The following PDGFD variants were observed in gnomAD, a reference collection of about 807,000 sequenced individuals.
PDGFD encodes the protein platelet-derived growth factor D.
A neutral mutation model predicts 44.7 loss-of-function variants in PDGFD; 30 were observed. That is an observed-to-expected ratio of 0.67 (90% CI 0.50 to 0.91). PDGFD has a LOEUF of 0.91. PDGFD is among the 40% of genes least tolerant of loss of function. The probability of loss-of-function intolerance (pLI) is 0.00; values close to 1 mark genes in which losing one functional copy is unlikely to be tolerated. For missense variants in PDGFD, 445 were observed against 457.8 expected (o/e 0.97, Z 0.25); for synonymous variants, 173 against 168.4 (o/e 1.03, Z -0.21).
At chr11:104,060,073 A>C (rs183615695) in intron 1 of PDGFD, among the ~76,000 whole-genome samples, 1 of 152,318 alleles carries the variant, frequency 6.6e-6, no homozygotes, top group African/African-American at 2.4e-5. Context: ...CTTGTTTGCC[A>C]TTTGTTTCTG....
intron 1 of PDGFD, among the ~76,000 whole-genome samples, chr11:104,088,876 C>T (rs1025597217): frequency 5.0e-4 from 76 of 151,946 alleles, no homozygotes; most frequent in African/African-American, 1.8e-3. Flanking sequence ...TAATGGTGCA[C>T]CTGTCCATTA....
chr11:104,152,537 CT>C (rs1166983205), intron 1 of PDGFD, among the ~76,000 whole-genome samples: 2 of 151,930 alleles, frequency 1.3e-5, no homozygotes, highest in Non-Finnish European at 2.9e-5. Context: ...TTATTTTTAC[CT>C]CTTTTTTGAA....
intron 3 of PDGFD, among the ~76,000 whole-genome samples, chr11:103,966,416 T>C (rs1859020910): frequency 6.6e-6 from 1 of 152,158 alleles, no homozygotes; most frequent in African/African-American, 2.4e-5. Flanking sequence ...AAGAAAAACA[T>C]CCCCAATAGT....
chr11:104,054,989 T>C (rs186406001), intron 1 of PDGFD, among the ~76,000 whole-genome samples: 480 of 152,368 alleles, frequency 3.2e-3, no homozygotes, highest in Non-Finnish European at 5.7e-3. Context: ...GAACACATTA[T>C]GCAAGTAGCA....
intron 3 of PDGFD, among the ~76,000 whole-genome samples, chr11:103,956,049 A>T (rs1208543293): frequency 1.3e-5 from 2 of 149,108 alleles, no homozygotes; most frequent in Non-Finnish European, 3.0e-5. Flanking sequence ...ATTTCTTCAG[A>T]CTGAACTTAG....
At chr11:103,934,243 T>C (rs1858452791) in intron 5 of PDGFD, among the ~76,000 whole-genome samples, 1 of 152,208 alleles carries the variant, frequency 6.6e-6, no homozygotes, top group Non-Finnish European at 1.5e-5. Flanking sequence ...TTTGAGTGTT[T>C]GAAGCACAGG....
intron 6 of PDGFD, among the ~76,000 whole-genome samples, chr11:103,914,966 T>G (rs572075940): frequency 1.3e-5 from 2 of 152,238 alleles, no homozygotes; most frequent in East Asian, 3.9e-4. Context: ...TAAGAGCTAT[T>G]TATACAAACC....
chr11:103,921,570 T>C (rs1858220591), intron 6 of PDGFD, among the ~76,000 whole-genome samples: 1 of 150,842 alleles, frequency 6.6e-6, no homozygotes, highest in African/African-American at 2.4e-5. Context: ...AAGTTGAAAA[T>C]GCATTAATAC....
chr11:104,123,560 T>C (rs1476593748), intron 1 of PDGFD, among the ~76,000 whole-genome samples: 2 of 152,086 alleles, frequency 1.3e-5, no homozygotes, highest in Non-Finnish European at 2.9e-5. Flanking sequence ...TTAAACATAG[T>C]AAACGATGAG....
At chr11:103,916,813 C>G (rs1300369329) in intron 6 of PDGFD, among the ~76,000 whole-genome samples, 1 of 152,174 alleles carries the variant, frequency 6.6e-6, no homozygotes. Context: ...TGGAAACCAT[C>G]ATTCTCAGCA....
At chr11:104,161,733 G>A (rs948610523) in intron 1 of PDGFD, among the ~76,000 whole-genome samples, 1 of 151,998 alleles carries the variant, frequency 6.6e-6, no homozygotes, top group African/African-American at 2.4e-5. Flanking sequence ...CACCCCATTG[G>A]GGACAATATT....
chr11:104,034,764 T>C (rs1358233111), intron 1 of PDGFD, among the ~76,000 whole-genome samples: 1 of 151,808 alleles, frequency 6.6e-6, no homozygotes, highest in Non-Finnish European at 1.5e-5. Context: ...TGCCTCAGCC[T>C]CCCGAGTAGC....
At chr11:103,927,298 T>C (rs1013528475) in intron 5 of PDGFD, among the ~76,000 whole-genome samples, 172 bp from the exon 6 acceptor site, 3 of 152,090 alleles carry the variant, frequency 2.0e-5, no homozygotes, top group Non-Finnish European at 4.4e-5. Context: ...ACCTAATTTC[T>C]CTCTTGATCC....
intron 4 of PDGFD, among the ~76,000 whole-genome samples, chr11:103,945,055 T>C (rs889818722): frequency 1.3e-5 from 2 of 152,096 alleles, no homozygotes; most frequent in Non-Finnish European, 2.9e-5. Context: ...ACCTTATGAG[T>C]CCACTCTGTA....
chr11:103,953,034 T>C (rs573198873), intron 3 of PDGFD, among the ~76,000 whole-genome samples: 21 of 152,204 alleles, frequency 1.4e-4, no homozygotes, highest in Middle Eastern at 3.4e-3. Flanking sequence ...AAGTGCTACA[T>C]GAAAACACAG....
chr11:104,082,853 A>C (rs1002841496), intron 1 of PDGFD, among the ~76,000 whole-genome samples: 1 of 152,074 alleles, frequency 6.6e-6, no homozygotes, highest in African/African-American at 2.4e-5. Flanking sequence ...TCCTGTCTTA[A>C]AGTGATCCTC....
chr11:104,064,115 T>C (rs906694664), intron 1 of PDGFD, among the ~76,000 whole-genome samples: 1 of 152,186 alleles, frequency 6.6e-6, no homozygotes, highest in African/African-American at 2.4e-5. Context: ...CGTCCAAAAA[T>C]ATAACCTTCA....
chr11:104,105,632 G>A (rs1233218781), intron 1 of PDGFD, among the ~76,000 whole-genome samples: 18 of 151,692 alleles, frequency 1.2e-4, no homozygotes, highest in African/African-American at 4.4e-4. Context: ...TTCTCGGTGT[G>A]GAGTTAGTAA....
chr11:104,071,181 CA>C (rs1239367880), intron 1 of PDGFD, among the ~76,000 whole-genome samples: 1 of 151,884 alleles, frequency 6.6e-6, no homozygotes, highest in Non-Finnish European at 1.5e-5. Flanking sequence ...TATTGTGCAT[CA>C]GATTTTTAAT....
Sources: allele counts gnomAD v4.1 joint callset (sites outside exome capture counted in the v4.1 genomes callset), GRCh38; gene constraint gnomAD v4.1.1; transcripts MANE v1.5; gene names NCBI Gene and HGNC (gene_info 2026-07-23, HGNC 2026-07-21).